The following EPHX1 variants were observed in gnomAD, a reference collection of about 807,000 sequenced individuals.
The protein encoded by EPHX1 is epoxide hydratase.
In EPHX1, 40 loss-of-function variants were observed where a neutral mutation model predicts 43.2. The ratio of observed to expected loss-of-function variants is 0.93; its 90% CI spans 0.72 to 1.21. EPHX1 has a LOEUF of 1.21. Ranked by LOEUF, EPHX1 falls within the 50% of genes most tolerant of loss-of-function variation. EPHX1 has a pLI of 0.00. For synonymous variants in EPHX1, 221 were observed against 226.7 expected, an observed-to-expected ratio of 0.98 and a Z score of 0.22; for missense variants, 550 against 570.4, an observed-to-expected ratio of 0.96 and a Z score of 0.36.
At chr1:225,834,946 G>T (rs937661111) in intron 3 of EPHX1, among the ~76,000 whole-genome samples, 2 of 152,176 alleles carry the variant, frequency 1.3e-5, no homozygotes, top group African/African-American at 4.8e-5. Context: ...AGGCTCTTCA[G>T]GGGCAATTCC....
At chr1:225,833,489 C>A (rs544216683) in intron 3 of EPHX1, among the ~76,000 whole-genome samples, 3 of 151,716 alleles carry the variant, frequency 2.0e-5, no homozygotes, top group African/African-American at 7.3e-5. Context: ...AGATCAAGAC[C>A]CCATCTCTTA....
intron 4 of EPHX1, 61 bp from the exon 5 acceptor site, chr1:225,839,156 G>C (rs1232816667): frequency 6.2e-7 from 1 of 1,611,966 alleles, no homozygotes; most frequent in African/African-American, 1.3e-5. Flanking sequence ...GAACACCAGA[G>C]GGCCCAAGGA....
At chr1:225,844,774 C>A in intron 8 of EPHX1, 151 bp downstream of exon 8, 3 of 1,341,982 alleles carry the variant, frequency 2.2e-6, no homozygotes, top group Non-Finnish European at 3.0e-6. Context: ...CACTAAAGGT[C>A]GAGGTGTTTG....
intron 3 of EPHX1, among the ~76,000 whole-genome samples, chr1:225,834,298 G>T (rs1315503225): frequency 6.6e-6 from 1 of 151,582 alleles, no homozygotes; most frequent in South Asian, 2.1e-4. Context: ...CCAGCTACTC[G>T]GGAGGCTGAG....
intron 1 of EPHX1, among the ~76,000 whole-genome samples, chr1:225,811,058 G>A (rs1449669203): frequency 6.6e-6 from 1 of 152,148 alleles, no homozygotes; most frequent in African/African-American, 2.4e-5. Flanking sequence ...CCCTCGCTCT[G>A]GTCTCGGGAT....
intron 1 of EPHX1, among the ~76,000 whole-genome samples, chr1:225,813,055 C>T (rs1442271879): frequency 1.3e-5 from 2 of 152,310 alleles, no homozygotes; most frequent in African/African-American, 2.4e-5. Flanking sequence ...TTAGGCTCAG[C>T]GATCTGCAGG....
At position 225,831,779 on chromosome 1, in the gene EPHX1, G is replaced by A; in HGVS notation, c.184G>A (p.Asp62Asn). Residue 62 changes from aspartate to asparagine, a missense_variant and splice_region_variant, in exon 3 of 9, where the codon GAC becomes AAC. Asp to Asn is a conservative substitution (Grantham distance 23). Coordinates refer to ENST00000272167, the MANE Select transcript of EPHX1 (RefSeq NM_001136018.4). Reference protein sequence around the residue: ...KVETSDEEIHDLHQRIDKFRF... With the variant: ...KVETSDEEIHNLHQRIDKFRF... ...CTTGGGGTCCTGAATTTTGCTCCAG[G>A]ACTTACACCAGAGGATCGATAAGTT... 6.2e-7 allele frequency: 1 copy of A among 1,613,800 alleles called. No individual in the cohort carries two copies. Among genetic ancestry groups the A allele is most frequent in the Non-Finnish European group, 8.5e-7 (1 of 1,180,026 alleles).
At chr1:225,834,111 A>G (rs1343991391) in intron 3 of EPHX1, among the ~76,000 whole-genome samples, 4 of 36,558 alleles carry the variant, frequency 1.1e-4, no homozygotes, top group African/African-American at 3.7e-4. Flanking sequence ...AAAAAAAAAA[A>G]GAAAAAAAAA....
intron 1 of EPHX1, among the ~76,000 whole-genome samples, chr1:225,819,405 A>G (rs1666884039): frequency 6.6e-6 from 1 of 152,136 alleles, no homozygotes; most frequent in Non-Finnish European, 1.5e-5. Context: ...CATCTAAAAA[A>G]AAAAAAAATG....
At chr1:225,824,148 G>A (rs139709773) in intron 1 of EPHX1, among the ~76,000 whole-genome samples, 222 of 152,046 alleles carry the variant, frequency 1.5e-3, no homozygotes, top group Middle Eastern at 6.8e-3. Context: ...GCCCACCCCC[G>A]CCGCCCCCGC....
At position 225,845,202 on chromosome 1, in the gene EPHX1, C is replaced by T. The variant is rs45495897; in HGVS notation, c.1223C>T (p.Thr408Met). The T allele has an allele frequency of 6.9e-4, 1,109 of 1,614,166 alleles. 7 individuals are homozygous for T. The African/African-American group carries it at 0.013, about 19-fold the overall frequency. The stretch of plus-strand genomic sequence containing the variant: ...GCCTTCCCTTTTGAGCTATTGCACA[C>T]GCCTGAAAAGTGGGTGAGGTTCAAG... ...FSAFPFELLH[T>M]PEKWVRFKYP... The change falls in exon 9 of 9, where the codon ACG (threonine) becomes ATG (methionine). Residue 408 changes from threonine (T) to methionine (M), a missense_variant. By Grantham distance (81) the Thr-to-Met change is moderately conservative. Transcript: ENST00000272167.
chr1:225,843,388 T>A (rs1576044579), intron 7 of EPHX1, among the ~76,000 whole-genome samples: 2 of 152,136 alleles, frequency 1.3e-5, no homozygotes, highest in African/African-American at 4.8e-5. Flanking sequence ...CTGAAGCAGG[T>A]ACACTGGGGC....
rs948018945 is a variant in EPHX1, at chr1:225,810,177, C to G, written c.-6+8C>G. ...AGCCTGCGAGCCGAGACCGTAAGCG[C>G]CCGGGGCCGGCCGGGCCCGCACTCC... On this transcript the variant is annotated splice_region_variant and intron_variant, in intron 1 of 8. Coordinates refer to ENST00000272167, the MANE Select transcript of EPHX1 (RefSeq NM_001136018.4). 4 of 151,604 alleles carry G rather than the reference C, an allele frequency of 2.6e-5. No homozygotes were observed. Among genetic ancestry groups the G allele is most frequent in the African/African-American group, 9.7e-5 (4 of 41,368 alleles). 9.4% of individuals were successfully genotyped at this position (151,604 alleles called of 1,614,324 possible).
Position 225,838,767 on chromosome 1 carries a change from A to G in EPHX1, c.478A>G (p.Ile160Val). ...WPGSFYEFYKIIPLLTDPKNH... is the reference protein window; with the variant it reads ...WPGSFYEFYKVIPLLTDPKNH... ...CGGCTCTTTCTACGAGTTTTATAAGATCATCCCACTCCTGACTGACCCCAA... is the reference window on the plus strand; with the variant it reads ...CGGCTCTTTCTACGAGTTTTATAAGGTCATCCCACTCCTGACTGACCCCAA... The change falls in exon 4 of 9, where the codon ATC becomes GTC. Residue 160 changes from isoleucine (I) to valine (V), a missense_variant. Transcript: ENST00000272167. The G allele has an allele frequency of 6.2e-7, 1 of 1,614,078 alleles. No individual in the cohort carries two copies. Among genetic ancestry groups the G allele is most frequent in the Non-Finnish European group, 8.5e-7 (1 of 1,180,024 alleles).
chr1:225,845,063 C>T (rs1668828357), intron 8 of EPHX1, 83 bp from the exon 9 acceptor site: 1 of 1,454,374 alleles, frequency 6.9e-7, no homozygotes, highest in African/African-American at 1.4e-5. Flanking sequence ...GATCTCACCC[C>T]CAGGCGCTTT....
intron 3 of EPHX1, among the ~76,000 whole-genome samples, chr1:225,837,182 C>T (rs1299968530): frequency 1.3e-5 from 2 of 152,216 alleles, no homozygotes; most frequent in Non-Finnish European, 2.9e-5. Context: ...AGTGGGATTA[C>T]ATGTGAGTCT....
chr1:225,831,638 T>A (rs1667607056), intron 2 of EPHX1, 141 bp from the exon 3 acceptor site: 1 of 750,464 alleles, frequency 1.3e-6, no homozygotes. Flanking sequence ...GAGTAGCCAG[T>A]GATGTGGGAA....
At chr1:225,842,611 C>T in intron 7 of EPHX1, 137 bp downstream of exon 7, 2 of 758,452 alleles carry the variant, frequency 2.6e-6, no homozygotes, top group Non-Finnish European at 4.7e-6. Context: ...CAAATCCTCA[C>T]CCTGTGACCA....
intron 6 of EPHX1, among the ~76,000 whole-genome samples, chr1:225,840,709 A>G (rs1303417609): frequency 2.0e-5 from 3 of 152,176 alleles, no homozygotes; most frequent in Non-Finnish European, 4.4e-5. Flanking sequence ...CAGAACTGTA[A>G]AATAGCTCAA....
Sources: allele counts gnomAD v4.1 joint callset (sites outside exome capture counted in the v4.1 genomes callset), GRCh38; gene constraint gnomAD v4.1.1; transcripts MANE v1.5; gene names NCBI Gene and HGNC (gene_info 2026-07-23, HGNC 2026-07-21).